Variants in CFH observed in about 807,000 individuals in gnomAD.
CFH encodes the protein H factor 1 (complement).
Under a neutral mutation model 147.3 loss-of-function variants are expected in CFH, and 53 were observed. The ratio of observed to expected loss-of-function variants is 0.36; its 90% CI spans 0.29 to 0.45. The LOEUF (loss-of-function observed/expected upper bound fraction) is 0.45. Ranked by LOEUF, CFH falls within the 20% of genes least tolerant of loss-of-function variation. The pLI is 1.00. For synonymous variants in CFH, 536 were observed against 489.4 expected, an observed-to-expected ratio of 1.10 and a Z score of -1.26; for missense variants, 1,380 against 1,498.0, an observed-to-expected ratio of 0.92 and a Z score of 1.30.
At chr1:196,714,664 TATATAGAGAG>T (rs1382559555) in intron 10 of CFH, among the ~76,000 whole-genome samples, 13 of 31,788 alleles carry the variant, frequency 4.1e-4, no homozygotes, top group East Asian at 2.5e-3. Flanking sequence ...TATATATATA[TATATAGAGAG>T]AGAGAGAGAG....
At chr1:196,665,462 G>T (rs1470941374) in intron 1 of CFH, among the ~76,000 whole-genome samples, 2 of 151,466 alleles carry the variant, frequency 1.3e-5, no homozygotes, top group Non-Finnish European at 1.5e-5. Flanking sequence ...AATTATAAAA[G>T]AATGAAACAT....
intron 12 of CFH, 67 bp from the exon 13 acceptor site, chr1:196,726,396 CTTTCCAT>C: frequency 8.6e-7 from 1 of 1,161,500 alleles, no homozygotes; most frequent in East Asian, 2.6e-5. Flanking sequence ...AGAAGAAAAT[CTTTCCAT>C]TTTACTGAAT....
chr1:196,727,082 T>G, intron 14 of CFH, 142 bp downstream of exon 14: 1 of 713,966 alleles, frequency 1.4e-6, no homozygotes, highest in Non-Finnish European at 2.5e-6. Flanking sequence ...TTTTGCATAT[T>G]GCTTATAATT....
chr1:196,746,055 T>C, intron 21 of CFH, 56 bp downstream of exon 21: 1 of 1,612,466 alleles, frequency 6.2e-7, no homozygotes, highest in East Asian at 2.2e-5. Flanking sequence ...GTCTGATATT[T>C]CACTGTTTGT....
At chr1:196,674,498 CT>C (rs1199281129) in intron 3 of CFH, among the ~76,000 whole-genome samples, 2 of 152,170 alleles carry the variant, frequency 1.3e-5, no homozygotes, top group African/African-American at 4.8e-5. Flanking sequence ...TTCTAACCAA[CT>C]ACTGGGTTTT....
At chr1:196,711,592 T>G (rs1264820926) in intron 9 of CFH, among the ~76,000 whole-genome samples, 1 of 152,058 alleles carries the variant, frequency 6.6e-6, no homozygotes, top group African/African-American at 2.4e-5. Flanking sequence ...AGGTTTGTTT[T>G]GGGTCAACTT....
intron 17 of CFH, among the ~76,000 whole-genome samples, chr1:196,740,246 T>G (rs922852842): frequency 1.3e-5 from 2 of 152,212 alleles, no homozygotes; most frequent in African/African-American, 4.8e-5. Flanking sequence ...GTTTTAAAAC[T>G]TCTTTTACAT....
chr1:196,745,494 T>G (rs1258133954), intron 20 of CFH, among the ~76,000 whole-genome samples: 1 of 152,196 alleles, frequency 6.6e-6, no homozygotes, highest in Non-Finnish European at 1.5e-5. Context: ...TATGGGATTT[T>G]TCGAATATGA....
intron 6 of CFH, among the ~76,000 whole-genome samples, chr1:196,682,394 T>A (rs1162874725): frequency 6.6e-6 from 1 of 151,750 alleles, no homozygotes; most frequent in East Asian, 1.9e-4. Context: ...GATGTATTTT[T>A]AAAAAGATTA....
chr1:196,662,454 G>T (rs959999344), intron 1 of CFH, among the ~76,000 whole-genome samples: 1 of 151,986 alleles, frequency 6.6e-6, no homozygotes, highest in Admixed American at 6.6e-5. Flanking sequence ...ATATTTACTT[G>T]AACATTTACC....
At chr1:196,697,321 C>A (rs904191447) in intron 9 of CFH, among the ~76,000 whole-genome samples, 1 of 152,080 alleles carries the variant, frequency 6.6e-6, no homozygotes, top group East Asian at 1.9e-4. Flanking sequence ...AAAAAACAAA[C>A]AACCCCATCA....
intron 17 of CFH, among the ~76,000 whole-genome samples, chr1:196,739,542 C>T (rs34794150): frequency 0.02 from 2,980 of 152,146 alleles, 91 homozygotes; most frequent in African/African-American, 0.068. Flanking sequence ...ACAAGTTCCT[C>T]ACCTCATCTT....
At chr1:196,683,427 G>A (rs1667721584) in intron 6 of CFH, among the ~76,000 whole-genome samples, 1 of 151,722 alleles carries the variant, frequency 6.6e-6, no homozygotes, top group Admixed American at 6.6e-5. Context: ...CTAGGTAGTA[G>A]TGAGTTAAAG....
rs1436066775 is a variant in CFH, at chr1:196,677,460, C to T, written c.428-16C>T. ...TTTAAAATTCCATTAGAAAACATTA[C>T]ATGTATTTTCTTCAGTTGTGAAGTG... is the stretch of plus-strand genomic sequence containing the variant. On this transcript the variant is annotated splice_polypyrimidine_tract_variant and intron_variant, in intron 4 of 21. Coordinates refer to ENST00000367429, the MANE Select transcript of CFH (RefSeq NM_000186.4). 1 of 1,607,400 alleles carries T rather than the reference C, an allele frequency of 6.2e-7. No individual in the cohort carries two copies. The highest frequency in any genetic ancestry group is 1.1e-5 in the South Asian group (1 of 90,914).
intron 11 of CFH, among the ~76,000 whole-genome samples, 163 bp from the exon 12 acceptor site, chr1:196,724,958 A>T (rs542327056): frequency 1.3e-5 from 2 of 152,332 alleles, no homozygotes; most frequent in South Asian, 2.1e-4. Context: ...CAATTTAGAC[A>T]GCATATAAAA....
intron 15 of CFH, among the ~76,000 whole-genome samples, chr1:196,728,774 CAT>C (rs1326124732): frequency 6.6e-6 from 1 of 151,282 alleles, no homozygotes; most frequent in African/African-American, 2.4e-5. Flanking sequence ...CCAGGCACTA[CAT>C]GTCATCATTA....
intron 11 of CFH, among the ~76,000 whole-genome samples, chr1:196,719,367 A>T (rs949031753): frequency 4.6e-5 from 7 of 151,978 alleles, no homozygotes; most frequent in Admixed American, 1.3e-4. Flanking sequence ...CAAAAAAAAG[A>T]ATTGCTATGT....
chr1:196,715,552 G>T (rs779203406), intron 10 of CFH, 41 bp from the exon 11 acceptor site: 2 of 1,452,470 alleles, frequency 1.4e-6, no homozygotes. Flanking sequence ...TTGTTTATTA[G>T]ATGACATTAG....
At chr1:196,684,662 G>A (rs2149085025) in intron 6 of CFH, among the ~76,000 whole-genome samples, 1 of 152,086 alleles carries the variant, frequency 6.6e-6, no homozygotes, top group South Asian at 2.1e-4. Context: ...CAAAGAGGAA[G>A]GGTTGCGCAG....
Sources: allele counts gnomAD v4.1 joint callset (sites outside exome capture counted in the v4.1 genomes callset), GRCh38; gene constraint gnomAD v4.1.1; transcripts MANE v1.5; gene names NCBI Gene and HGNC (gene_info 2026-07-23, HGNC 2026-07-21).